The following ULK4 variants were observed in gnomAD, a reference collection of about 807,000 sequenced individuals.
ULK4 encodes inactive serine/threonine-protein kinase ULK4.
Under a neutral mutation model 160.6 loss-of-function variants are expected in ULK4, and 133 were observed. The observed-to-expected ratio is 0.83, with a 90% CI of 0.72 to 0.96. The LOEUF (loss-of-function observed/expected upper bound fraction) is 0.96. Ranked by LOEUF, ULK4 falls within the 40% of genes least tolerant of loss-of-function variation. ULK4 has a pLI of 0.00. For missense variants in ULK4, 1,580 were observed against 1,499.5 expected (o/e 1.05, Z -0.89); for synonymous variants, 534 against 539.8 (o/e 0.99, Z 0.15).
At chr3:41,696,247 T>C (rs1575580366) in intron 27 of ULK4, among the ~76,000 whole-genome samples, 1 of 152,246 alleles carries the variant, frequency 6.6e-6, no homozygotes, top group Admixed American at 6.5e-5. Context: ...GTCACGCTCC[T>C]AGTCCACCTT....
chr3:41,335,191 T>C (rs2080529791), intron 35 of ULK4, among the ~76,000 whole-genome samples: 1 of 152,228 alleles, frequency 6.6e-6, no homozygotes, highest in Admixed American at 6.5e-5. Flanking sequence ...CCAATCATAT[T>C]AAGTATCCTC....
At chr3:41,872,032 T>TCAGA (rs1484505044) in intron 17 of ULK4, among the ~76,000 whole-genome samples, 1 of 152,210 alleles carries the variant, frequency 6.6e-6, no homozygotes, top group African/African-American at 2.4e-5. Flanking sequence ...GTCTGTCCAG[T>TCAGA]CACCTCAATC....
intron 35 of ULK4, chr3:41,277,896 G>A (rs9830422): frequency 0.29 from 44,699 of 152,216 alleles, 6,956 homozygotes; most frequent in Middle Eastern, 0.35. Context: ...CAGAAGACAG[G>A]TGATTTCTGC....
At chr3:41,383,223 C>A (rs998408510) in intron 35 of ULK4, among the ~76,000 whole-genome samples, 4 of 151,668 alleles carry the variant, frequency 2.6e-5, no homozygotes, top group Non-Finnish European at 5.9e-5. Context: ...CTCAGCCTCC[C>A]GAGTAGCTAG....
At chr3:41,522,028 T>C (rs1309759482) in intron 32 of ULK4, among the ~76,000 whole-genome samples, 1 of 152,250 alleles carries the variant, frequency 6.6e-6, no homozygotes, top group African/African-American at 2.4e-5. Context: ...TGCTATTCTC[T>C]GATACTATCA....
chr3:41,543,015 C>T (rs193226163), intron 32 of ULK4, among the ~76,000 whole-genome samples: 5 of 151,988 alleles, frequency 3.3e-5, no homozygotes, highest in African/African-American at 9.7e-5. Flanking sequence ...GAAGAAGGTT[C>T]AGAGAGCATA....
intron 17 of ULK4, among the ~76,000 whole-genome samples, chr3:41,853,793 G>C (rs182889118): frequency 1.3e-5 from 2 of 152,306 alleles, no homozygotes; most frequent in East Asian, 3.9e-4. Context: ...AGGCTGTGTA[G>C]TGAGTGCCTT....
intron 34 of ULK4, among the ~76,000 whole-genome samples, chr3:41,429,283 C>A (rs577192575): frequency 6.6e-6 from 1 of 152,098 alleles, no homozygotes; most frequent in African/African-American, 2.4e-5. Flanking sequence ...GAAAGAGGAA[C>A]GCTTTACACT....
chr3:41,318,031 C>T (rs953141352), intron 35 of ULK4, among the ~76,000 whole-genome samples: 6 of 152,172 alleles, frequency 3.9e-5, no homozygotes, highest in Non-Finnish European at 5.9e-5. Flanking sequence ...ATATCTACCA[C>T]TGTTGTCCCA....
intron 9 of ULK4, 29 bp from the exon 10 acceptor site, chr3:41,911,688 A>C: frequency 1.3e-6 from 2 of 1,546,988 alleles, no homozygotes; most frequent in Non-Finnish European, 1.8e-6. Context: ...AACACAATCA[A>C]ACTTACTTTG....
chr3:41,661,388 T>C (rs916888266), intron 30 of ULK4, among the ~76,000 whole-genome samples: 2 of 152,056 alleles, frequency 1.3e-5, no homozygotes, highest in African/African-American at 4.8e-5. Flanking sequence ...TCAGTATTTA[T>C]GTGTGTGTGT....
In ULK4 at chr3:41,414,892, A is replaced by G. The variant is rs1211318538; in HGVS notation, c.3493-16628T>C. On this transcript the variant is annotated intron_variant, in intron 34 of 36. Transcript: ENST00000301831. Reference sequence around the variant, plus strand: ...TTGATCCCAGGTACACTATATTTTTAAATGTGGGAATTTAGAAGGCAGAAA... The same window carrying G: ...TTGATCCCAGGTACACTATATTTTTGAATGTGGGAATTTAGAAGGCAGAAA... 3.3e-5 allele frequency among the ~76,000 whole-genome samples: 5 copies of G among 152,206 alleles called. 1 individual carries two copies. Among genetic ancestry groups the G allele is most frequent in the Admixed American group, 2.6e-4 (4 of 15,284 alleles).
intron 34 of ULK4, among the ~76,000 whole-genome samples, chr3:41,433,802 C>T (rs1335465341): frequency 6.6e-6 from 1 of 152,172 alleles, no homozygotes; most frequent in Non-Finnish European, 1.5e-5. Context: ...TCACTGCAAC[C>T]TCCGCCTTCC....
chr3:41,348,197 ACT>A (rs2080839002), intron 35 of ULK4, among the ~76,000 whole-genome samples: 1 of 137,264 alleles, frequency 7.3e-6, no homozygotes, highest in African/African-American at 2.9e-5. Flanking sequence ...CAAAAAAGTA[ACT>A]CTGTCTCAAA....
At chr3:41,262,955 T>C (rs886068359) in intron 35 of ULK4, among the ~76,000 whole-genome samples, 12 of 152,150 alleles carry the variant, frequency 7.9e-5, no homozygotes, top group Admixed American at 7.9e-4. Context: ...ATGTGGACTT[T>C]TTGTAGATAT....
intron 32 of ULK4, among the ~76,000 whole-genome samples, chr3:41,564,449 C>CTTTTTT (rs71075476): frequency 4.2e-4 from 34 of 80,960 alleles, no homozygotes; most frequent in African/African-American, 6.2e-4. Context: ...TCTTCTTCTT[C>CTTTTTT]TTTTTTTTTT....
At chr3:41,722,152 A>G (rs1242885054) in intron 22 of ULK4, among the ~76,000 whole-genome samples, 2 of 152,178 alleles carry the variant, frequency 1.3e-5, no homozygotes. Context: ...AGGAAACGGT[A>G]GCTGCTATCA....
intron 30 of ULK4, among the ~76,000 whole-genome samples, chr3:41,660,000 A>T (rs892648412): frequency 1.3e-5 from 2 of 152,152 alleles, no homozygotes; most frequent in Non-Finnish European, 2.9e-5. Context: ...TATAAAAGAA[A>T]CAAAAGAGGC....
At chr3:41,534,815 ATC>A (rs1240575961) in intron 32 of ULK4, among the ~76,000 whole-genome samples, 2 of 152,330 alleles carry the variant, frequency 1.3e-5, no homozygotes, top group African/African-American at 4.8e-5. Flanking sequence ...CTCTTTGAGA[ATC>A]TGATATGGTT....
Sources: allele counts gnomAD v4.1 joint callset (sites outside exome capture counted in the v4.1 genomes callset), GRCh38; gene constraint gnomAD v4.1.1; transcripts MANE v1.5; gene names NCBI Gene and HGNC (gene_info 2026-07-23, HGNC 2026-07-21).